Variants in GRM5 observed in about 807,000 individuals in gnomAD.
GRM5 encodes the protein metabotropic glutamate receptor 5.
GRM5 carries 19 observed loss-of-function variants against 83.1 expected under a neutral mutation model. The observed-to-expected ratio is 0.23, with a 90% confidence interval of 0.16 to 0.34. The LOEUF is 0.34. Among genes scored for constraint, GRM5 ranks in the 10% least tolerant of loss-of-function variants. The pLI is 1.00. For missense variants in GRM5, 1,160 were observed against 1,588.3 expected (o/e 0.73, Z 4.58); for synonymous variants, 675 against 633.6 (o/e 1.07, Z -0.98).
chr11:89,046,653 G>T (rs945038637), intron 2 of GRM5, among the ~76,000 whole-genome samples: 13 of 152,012 alleles, frequency 8.6e-5, no homozygotes, highest in African/African-American at 3.1e-4. Flanking sequence ...TTCTATACAA[G>T]GATAAAATTA....
chr11:88,623,089 T>G (rs1165180475), intron 4 of GRM5, among the ~76,000 whole-genome samples: 1 of 152,062 alleles, frequency 6.6e-6, no homozygotes, highest in East Asian at 1.9e-4. Flanking sequence ...TTATTTTTTA[T>G]TTTTTATTTT....
At chr11:89,021,858 A>T (rs1940993131) in intron 2 of GRM5, among the ~76,000 whole-genome samples, 1 of 152,128 alleles carries the variant, frequency 6.6e-6, no homozygotes, top group Non-Finnish European at 1.5e-5. Flanking sequence ...TTTTTTCCAT[A>T]GATATTATGT....
chr11:88,686,476 G>T lies in GRM5; in HGVS notation c.912-33073C>A, dbSNP rs112456388. Among the ~76,000 whole-genome samples the T allele has an allele frequency of 4.1e-4, 62 of 152,262 alleles. 2 individuals are homozygous for T. Among genetic ancestry groups the T allele is most frequent in the African/African-American group, 1.3e-3 (56 of 41,562 alleles). ...GCTTAAATGAATTAAGACTTTAGGG[G>T]ACTGAGGGAAGACACGCTTGGTTTT... On this transcript the variant is annotated intron_variant, in intron 3 of 9. Coordinates refer to ENST00000305447, the MANE Select transcript of GRM5 (RefSeq NM_001143831.3).
At chr11:88,673,034 T>A (rs544100716) in intron 3 of GRM5, among the ~76,000 whole-genome samples, 6 of 152,070 alleles carry the variant, frequency 3.9e-5, no homozygotes, top group Middle Eastern at 3.4e-3. Flanking sequence ...GAATCCACAT[T>A]TTTTTATGTA....
intron 5 of GRM5, among the ~76,000 whole-genome samples, chr11:88,603,815 T>C (rs966290232): frequency 3.9e-5 from 6 of 152,148 alleles, no homozygotes; most frequent in Non-Finnish European, 8.8e-5. Context: ...GTGTGAATTG[T>C]TGGGGATTCA....
intron 8 of GRM5, among the ~76,000 whole-genome samples, chr11:88,546,846 G>A (rs1479485164): frequency 6.6e-6 from 1 of 152,084 alleles, no homozygotes; most frequent in African/African-American, 2.4e-5. Context: ...ATGCTGAGGA[G>A]AAGCATAAGG....
At chr11:89,004,119 T>C (rs1289772267) in intron 2 of GRM5, among the ~76,000 whole-genome samples, 1 of 152,056 alleles carries the variant, frequency 6.6e-6, no homozygotes, top group Non-Finnish European at 1.5e-5. Flanking sequence ...TCAAAATAAA[T>C]CAAATAGCAG....
chr11:88,636,337 C>A (rs1227792508), intron 4 of GRM5, among the ~76,000 whole-genome samples: 1 of 152,040 alleles, frequency 6.6e-6, no homozygotes, highest in Non-Finnish European at 1.5e-5. Flanking sequence ...CATGGTGAAA[C>A]ACTGTCCCTA....
rs780983014 is a variant in GRM5, at chr11:88,567,116, G to C, written c.2567C>G (p.Ala856Gly). Residue 856 changes from alanine to glycine, a missense_variant, in exon 8 of 10, where the codon GCC (alanine) becomes GGC (glycine). This residue lies in a region of GRM5 where 562 missense variants were observed against 532.4 expected (regional missense o/e 1.06). Transcript: ENST00000305447. The surrounding 1 kb of genome is among the most constrained non-coding windows in gnomAD (Gnocchi z 7.3). ...HVGDGKSSSA[A>G]SRSSSLVNLW... ...GTTGACTAGGCTGCTGGATCTGCTG[G>C]CTGCGGAGGATGACTTGCCATCCCC... is the stretch of plus-strand genomic sequence containing the variant. 6.2e-7 allele frequency: 1 copy of C among 1,614,028 alleles called. No individual in the cohort carries two copies. Among genetic ancestry groups the C allele is most frequent in the Non-Finnish European group, 8.5e-7 (1 of 1,179,952 alleles).
intron 3 of GRM5, among the ~76,000 whole-genome samples, chr11:88,800,631 G>A (rs1943371156): frequency 6.6e-6 from 1 of 152,122 alleles, no homozygotes. Flanking sequence ...CACTAGTGAG[G>A]AGAGGCACTC....
chr11:88,911,571 T>C (rs1353169533), intron 2 of GRM5, among the ~76,000 whole-genome samples: 1 of 152,136 alleles, frequency 6.6e-6, no homozygotes, highest in Non-Finnish European at 1.5e-5. Context: ...GGTAGCATAG[T>C]GTATAGAAAA....
intron 3 of GRM5, among the ~76,000 whole-genome samples, chr11:88,680,798 T>C (rs911719610): frequency 2.0e-5 from 3 of 152,188 alleles, no homozygotes; most frequent in African/African-American, 4.8e-5. Flanking sequence ...TCACCCTTAT[T>C]GTTTTCCTTC....
At chr11:88,683,174 C>T (rs530647110) in intron 3 of GRM5, among the ~76,000 whole-genome samples, 7 of 152,290 alleles carry the variant, frequency 4.6e-5, no homozygotes, top group African/African-American at 1.2e-4. Flanking sequence ...CCACCACAGG[C>T]AGGTCTCAGG....
At chr11:88,824,993 A>G (rs1041419403) in intron 3 of GRM5, among the ~76,000 whole-genome samples, 1 of 152,240 alleles carries the variant, frequency 6.6e-6, no homozygotes, top group African/African-American at 2.4e-5. Context: ...TTTTAGATAT[A>G]TAACACAGAT....
At chr11:88,986,727 C>CTTTTTTTTTTTTTTTTTTTTTTGT (rs60281684) in intron 2 of GRM5, among the ~76,000 whole-genome samples, 1 of 93,116 alleles carries the variant, frequency 1.1e-5, no homozygotes, top group Non-Finnish European at 2.0e-5. Flanking sequence ...TTTATTTTTG[C>CTTTTTTTTTTTTTTTTTTTTTTGT]TTTTTTTTTT....
intron 3 of GRM5, among the ~76,000 whole-genome samples, chr11:88,658,047 C>G (rs768979417): frequency 1.3e-5 from 2 of 152,112 alleles, no homozygotes; most frequent in Non-Finnish European, 2.9e-5. Context: ...CGGAACCTGG[C>G]TGCACAGCAG....
At chr11:89,042,498 T>C (rs1382430624) in intron 2 of GRM5, among the ~76,000 whole-genome samples, 2 of 152,232 alleles carry the variant, frequency 1.3e-5, no homozygotes, top group African/African-American at 2.4e-5. Flanking sequence ...TGAGACACAG[T>C]GTTAACATTC....
intron 2 of GRM5, among the ~76,000 whole-genome samples, chr11:88,928,624 A>G (rs1363034120): frequency 1.3e-5 from 2 of 151,808 alleles, no homozygotes; most frequent in African/African-American, 2.4e-5. Flanking sequence ...TGAATCAATC[A>G]CTGATAAAAT....
At chr11:88,832,222 A>G (rs573705779) in intron 3 of GRM5, among the ~76,000 whole-genome samples, 65 of 152,272 alleles carry the variant, frequency 4.3e-4, no homozygotes, top group Non-Finnish European at 8.7e-4. Flanking sequence ...CATATCTAGA[A>G]GAATTTAAAG....
Sources: allele counts gnomAD v4.1 joint callset (sites outside exome capture counted in the v4.1 genomes callset), GRCh38; gene constraint gnomAD v4.1.1; regional missense constraint gnomAD v4.1.1; non-coding constraint Gnocchi (gnomAD v3.1); transcripts MANE v1.5; gene names NCBI Gene and HGNC (gene_info 2026-07-23, HGNC 2026-07-21).